Variants in SLC13A3 observed in about 807,000 individuals in gnomAD.
SLC13A3 encodes solute carrier family 13 member 3, also known as Na(+)/dicarboxylate cotransporter 3.
A neutral mutation model predicts 59.0 loss-of-function variants in SLC13A3; 40 were observed. The observed-to-expected ratio is 0.68, with a 90% CI of 0.53 to 0.88. The LOEUF (loss-of-function observed/expected upper bound fraction) is 0.88, where lower values mean the gene tolerates loss of function less well. SLC13A3 is among the 40% of genes least tolerant of loss of function. The pLI, the probability that SLC13A3 is intolerant of heterozygous loss-of-function variation, is 0.00. For missense variants in SLC13A3, 699 were observed against 783.2 expected (o/e 0.89, Z 1.28); for synonymous variants, 317 against 330.3 (o/e 0.96, Z 0.44).
At position 46,592,420 on chromosome 20, in the gene SLC13A3, C is replaced by T. The variant is rs770765724; in HGVS notation, c.904G>A (p.Gly302Arg). The change falls in exon 6 of 13, where the codon GGG becomes AGG. Residue 302 changes from glycine to arginine, a missense_variant. Transcript: ENST00000279027. ...AGWLWISFLY[G>R]GLSFRGWRKN... ...GAGAGGTACCTGAAGCTCAGTCCCC[C>T]GTACAGGAAGGAGATCCAGAGCCAG... 41 of 1,613,854 alleles carry T rather than the reference C, an allele frequency of 2.5e-5. No homozygotes were observed. Among genetic ancestry groups the T allele is most frequent in the African/African-American group, 9.3e-5 (7 of 75,010 alleles).
At chr20:46,608,481 C>G (rs2062458195) in intron 3 of SLC13A3, among the ~76,000 whole-genome samples, 1 of 152,138 alleles carries the variant, frequency 6.6e-6, no homozygotes, top group Non-Finnish European at 1.5e-5. Flanking sequence ...TCTTCACTTC[C>G]TCGTGGAAGA....
At chr20:46,668,027 C>T (rs1600630948) in intron 1 of SLC13A3, among the ~76,000 whole-genome samples, 1 of 152,146 alleles carries the variant, frequency 6.6e-6, no homozygotes, top group Non-Finnish European at 1.5e-5. Context: ...ATTCTGATTG[C>T]TCCACTGACT....
intron 1 of SLC13A3, among the ~76,000 whole-genome samples, chr20:46,624,977 G>T (rs1177516114): frequency 6.8e-6 from 1 of 146,648 alleles, no homozygotes; most frequent in Non-Finnish European, 1.5e-5. Context: ...TTCTGAGAAG[G>T]GGGAGATCCT....
intron 1 of SLC13A3, among the ~76,000 whole-genome samples, chr20:46,644,786 C>T (rs1361100471): frequency 6.6e-6 from 1 of 152,090 alleles, no homozygotes; most frequent in Non-Finnish European, 1.5e-5. Context: ...AACATGGGGC[C>T]CACATGATGG....
At chr20:46,683,757 C>A (rs554422303) in intron 1 of SLC13A3, among the ~76,000 whole-genome samples, 2 of 152,280 alleles carry the variant, frequency 1.3e-5, no homozygotes, top group East Asian at 1.9e-4. Context: ...TCGGGTGTTA[C>A]CCCCAGACAA....
chr20:46,560,242 A>C, intron 12 of SLC13A3, 44 bp from the exon 13 acceptor site: 1 of 1,557,236 alleles, frequency 6.4e-7, no homozygotes, highest in Non-Finnish European at 8.8e-7. Context: ...CACCTGACCC[A>C]CCATACAGAT....
intron 1 of SLC13A3, among the ~76,000 whole-genome samples, chr20:46,632,018 C>A (rs371708034): frequency 6.6e-6 from 1 of 152,290 alleles, no homozygotes; most frequent in East Asian, 1.9e-4. Flanking sequence ...CCCTGCTGGG[C>A]TGCAGCTGGC....
intron 1 of SLC13A3, among the ~76,000 whole-genome samples, chr20:46,643,369 T>G (rs1009938635): frequency 3.3e-5 from 5 of 152,190 alleles, no homozygotes; most frequent in African/African-American, 9.7e-5. Context: ...GACGGCCTTT[T>G]CGGAGGTAAG....
intron 1 of SLC13A3, chr20:46,675,924 C>G (rs960748215): frequency 2.0e-5 from 3 of 151,290 alleles, no homozygotes; most frequent in Non-Finnish European, 4.4e-5. Flanking sequence ...AGCTTCTTTT[C>G]TTTTTTTGAG....
At chr20:46,580,056 A>G (rs2062120176) in intron 9 of SLC13A3, among the ~76,000 whole-genome samples, 1 of 152,064 alleles carries the variant, frequency 6.6e-6, no homozygotes, top group Non-Finnish European at 1.5e-5. Flanking sequence ...ACCGGGTTCA[A>G]GCAATTCTTC....
intron 3 of SLC13A3, among the ~76,000 whole-genome samples, chr20:46,605,378 G>A (rs1018999058): frequency 2.0e-5 from 3 of 152,080 alleles, no homozygotes; most frequent in African/African-American, 7.2e-5. Context: ...GAGACCACAT[G>A]GAAACAGGCC....
intron 6 of SLC13A3, 131 bp downstream of exon 6, chr20:46,592,273 A>G: frequency 8.8e-7 from 1 of 1,138,580 alleles, no homozygotes; most frequent in Non-Finnish European, 1.3e-6. Context: ...ACATACATAC[A>G]TACATAAAAG....
chr20:46,616,675 C>T (rs374354416), intron 1 of SLC13A3, among the ~76,000 whole-genome samples: 9 of 152,180 alleles, frequency 5.9e-5, no homozygotes, highest in African/African-American at 2.2e-4. Flanking sequence ...GCACAGCAAA[C>T]AAGGATGTGG....
chr20:46,680,254 T>A (rs1166612978), intron 1 of SLC13A3, among the ~76,000 whole-genome samples: 1 of 152,192 alleles, frequency 6.6e-6, no homozygotes. Context: ...GTGCGTCTTG[T>A]CTACCCTTAG....
chr20:46,641,407 A>C (rs2062845140), intron 1 of SLC13A3, among the ~76,000 whole-genome samples: 1 of 152,220 alleles, frequency 6.6e-6, no homozygotes, highest in Admixed American at 6.5e-5. Context: ...CAGACACTAG[A>C]CAAAGAAATG....
At chr20:46,645,857 T>C (rs1486514796) in intron 1 of SLC13A3, among the ~76,000 whole-genome samples, 3 of 152,192 alleles carry the variant, frequency 2.0e-5, no homozygotes, top group African/African-American at 7.2e-5. Flanking sequence ...ACAGAAAATC[T>C]CCTTTTAAAG....
At chr20:46,665,977 A>G (rs1223296580) in intron 1 of SLC13A3, among the ~76,000 whole-genome samples, 4 of 152,212 alleles carry the variant, frequency 2.6e-5, no homozygotes, top group Non-Finnish European at 4.4e-5. Flanking sequence ...AGGCTAAGAC[A>G]ATGGTGGCTT....
intron 3 of SLC13A3, among the ~76,000 whole-genome samples, chr20:46,604,245 GTC>G (rs1219661274): frequency 4.6e-5 from 7 of 151,982 alleles, no homozygotes; most frequent in African/African-American, 1.7e-4. Context: ...ATTGCCTCTG[GTC>G]TCTCTCAGTG....
At chr20:46,673,021 G>C (rs2063102040), upstream of SLC13A3, among the ~76,000 whole-genome samples, 1 of 152,086 alleles carries the variant, frequency 6.6e-6, no homozygotes, top group South Asian at 2.1e-4. Flanking sequence ...TAAGTTTGGG[G>C]GATAGTTTGT....
Sources: gnomAD v4.1 joint callset for allele counts (sites outside exome capture counted in the v4.1 genomes callset) on GRCh38, gnomAD v4.1.1 for gene constraint, MANE v1.5 for transcripts, NCBI Gene and HGNC (gene_info 2026-07-23, HGNC 2026-07-21) for gene names.